The following AFG2A variants were observed in gnomAD, a reference collection of about 807,000 sequenced individuals.
The protein encoded by AFG2A is ATPase family gene 2 protein homolog A.
chr4:123,031,324 T>C, the AFG2A span, among the ~76,000 whole-genome samples: 10 of 152,234 alleles, frequency 6.6e-5, no homozygotes, highest in African/African-American at 2.4e-4. Flanking sequence ...GCTAATTTTT[T>C]GTATTTTTAG....
At chr4:123,053,062 C>G in the AFG2A span, among the ~76,000 whole-genome samples, 1 of 152,218 alleles carries the variant, frequency 6.6e-6, no homozygotes, top group African/African-American at 2.4e-5. Flanking sequence ...ACACTGGCAG[C>G]AGATTGGATG....
chr4:123,191,605 T>G, the AFG2A span, among the ~76,000 whole-genome samples: 2 of 152,204 alleles, frequency 1.3e-5, no homozygotes, highest in Non-Finnish European at 2.9e-5. Flanking sequence ...TTTCTTTCTC[T>G]TCTGTATTCT....
chr4:123,003,329 T>C, the AFG2A span, among the ~76,000 whole-genome samples: 1 of 152,352 alleles, frequency 6.6e-6, no homozygotes, highest in African/African-American at 2.4e-5. Context: ...TCCGTCCAGC[T>C]TTGTTCTGTT....
the AFG2A span, among the ~76,000 whole-genome samples, chr4:123,069,617 C>T: frequency 6.6e-6 from 1 of 152,112 alleles, no homozygotes; most frequent in Non-Finnish European, 1.5e-5. Flanking sequence ...CATCTGAGCA[C>T]AGAATCTTAC....
the AFG2A span, among the ~76,000 whole-genome samples, chr4:123,278,016 C>T: frequency 6.6e-6 from 1 of 152,070 alleles, no homozygotes; most frequent in Non-Finnish European, 1.5e-5. Context: ...ATCCCTCCTC[C>T]CTAATTTTTT....
the AFG2A span, among the ~76,000 whole-genome samples, chr4:122,953,269 G>T: frequency 6.6e-6 from 1 of 152,106 alleles, no homozygotes; most frequent in Admixed American, 6.6e-5. Context: ...TTCCAAGATG[G>T]GAGCTATACA....
At chr4:123,119,035 C>T in the AFG2A span, among the ~76,000 whole-genome samples, 2 of 152,010 alleles carry the variant, frequency 1.3e-5, no homozygotes, top group Non-Finnish European at 2.9e-5. Flanking sequence ...CTCTGAGGTA[C>T]CTTGAGTATC....
chr4:123,089,548 G>A, the AFG2A span, among the ~76,000 whole-genome samples: 1 of 151,926 alleles, frequency 6.6e-6, no homozygotes, highest in Non-Finnish European at 1.5e-5. Context: ...TGTGATACAG[G>A]GTTTTGTTCA....
At chr4:123,185,890 A>C in the AFG2A span, among the ~76,000 whole-genome samples, 2 of 142,336 alleles carry the variant, frequency 1.4e-5, no homozygotes, top group African/African-American at 5.2e-5. Flanking sequence ...GACTCCGTCT[A>C]AAAAAAAAAA....
At chr4:122,987,680 C>T in the AFG2A span, among the ~76,000 whole-genome samples, 1 of 152,052 alleles carries the variant, frequency 6.6e-6, no homozygotes, top group Non-Finnish European at 1.5e-5. Context: ...AACATTGGTC[C>T]CACACACAGA....
chr4:123,078,326 A>G, the AFG2A span, among the ~76,000 whole-genome samples: 1 of 152,242 alleles, frequency 6.6e-6, no homozygotes, highest in Non-Finnish European at 1.5e-5. Flanking sequence ...CTGAAGTCAT[A>G]GTTCAACCTT....
chr4:123,062,971 T>C, the AFG2A span, among the ~76,000 whole-genome samples: 1 of 152,224 alleles, frequency 6.6e-6, no homozygotes, highest in Admixed American at 6.5e-5. Flanking sequence ...GAGTTTTGGT[T>C]GTACTCTATT....
the AFG2A span, among the ~76,000 whole-genome samples, chr4:123,149,035 C>G: frequency 6.6e-6 from 1 of 152,124 alleles, no homozygotes; most frequent in Non-Finnish European, 1.5e-5. Context: ...TCCCAAAGTG[C>G]TGGGATTATA....
At chr4:123,022,852 G>A in the AFG2A span, among the ~76,000 whole-genome samples, 1 of 152,042 alleles carries the variant, frequency 6.6e-6, no homozygotes, top group South Asian at 2.1e-4. Flanking sequence ...ATACTATGCA[G>A]CCATAAAAAA....
chr4:123,158,037 A>C, the AFG2A span, among the ~76,000 whole-genome samples: 1 of 152,128 alleles, frequency 6.6e-6, no homozygotes, highest in Non-Finnish European at 1.5e-5. Context: ...ACACACACAC[A>C]CACCCACCTT....
At chr4:123,314,000 T>G in the AFG2A span, 1 of 1,611,628 alleles carries the variant, frequency 6.2e-7, no homozygotes, top group South Asian at 1.1e-5. Context: ...ACACCTAGAA[T>G]TCCTGAGTCA....
the AFG2A span, among the ~76,000 whole-genome samples, chr4:123,185,597 C>T: frequency 6.6e-6 from 1 of 152,230 alleles, no homozygotes; most frequent in African/African-American, 2.4e-5. Context: ...CTTTATCTTA[C>T]TTCACATATA....
the AFG2A span, among the ~76,000 whole-genome samples, chr4:123,022,839 G>A: frequency 4.6e-5 from 7 of 151,990 alleles, no homozygotes; most frequent in African/African-American, 1.7e-4. Context: ...TATACACCAT[G>A]GAATACTATG....
chr4:123,167,202 A>T, the AFG2A span, among the ~76,000 whole-genome samples: 11 of 148,394 alleles, frequency 7.4e-5, no homozygotes, highest in Admixed American at 6.8e-4. Context: ...TTTATATATT[A>T]TATATATTTG....
Sources: gnomAD v4.1 joint callset for allele counts (sites outside exome capture counted in the v4.1 genomes callset) on GRCh38, gnomAD v4.1.1 for gene constraint, MANE v1.5 for transcripts, NCBI Gene and HGNC (gene_info 2026-07-23, HGNC 2026-07-21) for gene names.